Variants in CACFD1 observed in about 807,000 individuals in gnomAD.
CACFD1 encodes calcium channel flower homolog.
A neutral mutation model predicts 21.3 loss-of-function variants in CACFD1; 26 were observed. That is an observed-to-expected ratio of 1.22 (90% CI 0.89 to 1.69). The LOEUF (loss-of-function observed/expected upper bound fraction) is 1.69. Among genes scored for constraint, CACFD1 ranks in the 40% most tolerant of loss-of-function variants. The pLI is 0.00. For synonymous variants in CACFD1, 121 were observed against 106.6 expected, an observed-to-expected ratio of 1.13 and a Z score of -0.83; for missense variants, 265 against 236.2, an observed-to-expected ratio of 1.12 and a Z score of -0.80.
rs1554797972 is a variant in CACFD1, at chr9:133,460,156, G to A, written c.90G>A (p.Leu30=). 1 of 1,558,528 alleles carries A rather than the reference G, an allele frequency of 6.4e-7. No homozygotes were observed. The highest frequency in any genetic ancestry group is 8.7e-7 in the Non-Finnish European group (1 of 1,151,450). ...EEGMTWWYRW[L]CRLSGVLGAV... is the part of the protein sequence containing the mutation. Reference sequence around the variant, plus strand: ...GCATGACGTGGTGGTACCGCTGGCTGTGTCGCCTGTCTGGGGTGCTGGGGG... The same window carrying A: ...GCATGACGTGGTGGTACCGCTGGCTATGTCGCCTGTCTGGGGTGCTGGGGG... The change falls in exon 1 of 5, where the codon CTG becomes CTA. Residue 30 remains leucine, a synonymous_variant. Transcript: ENST00000316948.
Position 133,465,271 on chromosome 9 carries a change from A to G in CACFD1, c.195-51A>G, listed in dbSNP as rs782076337. 1 of 1,609,900 alleles carries G rather than the reference A, an allele frequency of 6.2e-7. No individual in the cohort carries two copies. ...GGCACTGGCACTGGGGGCCGCCCTC[A>G]TCCTCCTGGGATTGTCAGTCGCTGC... is the stretch of plus-strand genomic sequence containing the variant. On this transcript the variant is annotated intron_variant, in intron 2 of 4. Transcript: ENST00000316948. The surrounding 1 kb of genome is among the most constrained non-coding windows in gnomAD (Gnocchi z 5.0).
Position 133,463,474 on chromosome 9 carries a change from TGTTTCAA to T in CACFD1, c.122-7_122-1del. 1 of 1,613,642 alleles carries T rather than the reference TGTTTCAA, an allele frequency of 6.2e-7. No individual in the cohort carries two copies. ...CCTGCTGACTCCTGCCCGTGTCTCT[TGTTTCAA>T]GCTTGCGCGATCTCTGGCCTCTTCA... On this transcript the variant is annotated splice_acceptor_variant and splice_polypyrimidine_tract_variant and intron_variant, in intron 1 of 4. Transcript: ENST00000316948. LOFTEE classifies it high-confidence loss of function.
At chr9:133,462,131 C>A (rs1005272328) in intron 1 of CACFD1, 1 of 1,303,920 alleles carries the variant, frequency 7.7e-7, no homozygotes, top group Non-Finnish European at 1.0e-6. Flanking sequence ...GGTCCTCCCC[C>A]AAGGCTGGCT....
At position 133,460,114 on chromosome 9, in the gene CACFD1, G is replaced by A. The variant is rs1843070442; in HGVS notation, c.48G>A (p.Pro16=). 1.9e-6 allele frequency: 3 copies of A among 1,563,088 alleles called. No individual in the cohort carries two copies. Among genetic ancestry groups the A allele is most frequent in the East Asian group, 2.4e-5 (1 of 41,720 alleles). Residue 16 remains proline, a synonymous_variant, in exon 1 of 5, where the codon CCG becomes CCA. Transcript: ENST00000316948. The stretch of plus-strand genomic sequence containing the variant: ...CCGGGGCGTCCGCCAGCTCTGCGCC[G>A]CCCGCGCAGGAAGAGGGCATGACGT... ...GAPGASASSA[P]PAQEEGMTWW...
At position 133,460,248 on chromosome 9, in the gene CACFD1, T is replaced by TGCCCC. The variant is rs3216889; in HGVS notation, c.121+73_121+77dup. 2,400 of 1,369,912 alleles carry TGCCCC rather than the reference T, an allele frequency of 1.8e-3. 25 individuals are homozygous for TGCCCC. In the African/African-American group the frequency reaches 0.025, roughly 15 times the overall value. The allele number at this position is 1,369,912 out of a possible 1,614,324, so 84.9% of individuals were successfully genotyped here. A position where few individuals can be genotyped will look rare whatever the true frequency, so the allele number is the denominator to read the frequency against. On this transcript the variant is annotated intron_variant, in intron 1 of 4. Coordinates refer to ENST00000316948, the MANE Select transcript of CACFD1 (RefSeq NM_017586.5). Reference sequence around the variant, plus strand: ...CGCGCATGCGCTCCTCGCCCTGCCCTGCCCCGCCCCGCCCCGGCGGCCCCA... The same window carrying TGCCCC: ...CGCGCATGCGCTCCTCGCCCTGCCCTGCCCCGCCCCGCCCCGCCCCGGCGGCCCCA...
chr9:133,461,654 C>G (rs975636375), intron 1 of CACFD1, among the ~76,000 whole-genome samples: 1 of 152,200 alleles, frequency 6.6e-6, no homozygotes, highest in African/African-American at 2.4e-5. Flanking sequence ...TTCTGTGCCT[C>G]TCAAAGTGAG....
chr9:133,460,100 G>T lies in CACFD1; in HGVS notation c.34G>T (p.Ala12Ser). The change falls in exon 1 of 5, where the codon GCC (alanine) becomes TCC (serine). Residue 12 changes from alanine to serine, a missense_variant. Physicochemically the swap from Ala to Ser is moderately conservative, Grantham distance 99. Transcript: ENST00000316948. Reference sequence around the variant, plus strand: ...CTCAGGTGGGGCGCCCGGGGCGTCCGCCAGCTCTGCGCCGCCCGCGCAGGA... The same window carrying T: ...CTCAGGTGGGGCGCCCGGGGCGTCCTCCAGCTCTGCGCCGCCCGCGCAGGA... ...SSSGGAPGAS[A>S]SSAPPAQEEG... 1.3e-6 allele frequency: 2 copies of T among 1,562,674 alleles called. No individual in the cohort carries two copies. The highest frequency in any genetic ancestry group is 1.8e-5 in the Admixed American group (1 of 54,302).
At chr9:133,461,021 C>G (rs587612598) in intron 1 of CACFD1, among the ~76,000 whole-genome samples, 2 of 131,190 alleles carry the variant, frequency 1.5e-5, no homozygotes, top group South Asian at 5.3e-4. Flanking sequence ...CAGGGAAAGA[C>G]AAGTCTGTCT....
At position 133,463,538 on chromosome 9, in the gene CACFD1, G is replaced by A. The variant is rs781900319; in HGVS notation, c.177G>A (p.Ala59=). ...NCITIHPLNI[A]AGVWMIMNAF... is the part of the protein sequence containing the mutation. ...TCACCATCCACCCTCTGAACATTGC[G>A]GCCGGCGTGTGGATGATGTGAGTAA... is the stretch of plus-strand genomic sequence containing the variant. Residue 59 remains alanine (A), a synonymous_variant, in exon 2 of 5, where the codon GCG becomes GCA. Coordinates refer to ENST00000316948, the MANE Select transcript of CACFD1 (RefSeq NM_017586.5). 6.1e-5 allele frequency: 99 copies of A among 1,613,914 alleles called. No individual in the cohort carries two copies. Among genetic ancestry groups the A allele is most frequent in the Non-Finnish European group, 7.7e-5 (91 of 1,179,996 alleles).
rs1843620580 is a variant in CACFD1 at position 133,470,033 on chromosome 9, C to T, written c.*1380C>T. 6.6e-6 allele frequency: 1 copy of T among 152,570 alleles called. No homozygotes were observed. The highest frequency in any genetic ancestry group is 6.5e-5 in the Admixed American group (1 of 15,286). 9.5% of individuals were successfully genotyped at this position (152,570 alleles called of 1,614,324 possible). A position where few individuals can be genotyped will look rare whatever the true frequency, so the allele number is the denominator to read the frequency against. On this transcript the variant is annotated 3_prime_UTR_variant, in exon 5 of 5. Transcript: ENST00000316948. ...TTTCTGGGCCCTGCCCAGTACTGCC[C>T]TGGGGACTTGGTGGGCTCCTGGGTC...
In CACFD1 at chr9:133,470,256, TC is replaced by T. The variant is rs1168618334; in HGVS notation, c.*1606del. 1 of 152,528 alleles carries T rather than the reference TC, an allele frequency of 6.6e-6. No individual in the cohort carries two copies. Among genetic ancestry groups the T allele is most frequent in the Non-Finnish European group, 1.5e-5 (1 of 68,218 alleles). The allele number at this position is 152,528 out of a possible 1,614,324, so 9.4% of individuals were successfully genotyped here. A position where few individuals can be genotyped will look rare whatever the true frequency, so the allele number is the denominator to read the frequency against. On this transcript the variant is annotated 3_prime_UTR_variant, in exon 5 of 5. Coordinates refer to ENST00000316948, the MANE Select transcript of CACFD1 (RefSeq NM_017586.5). ...ATATGTGTGTGGGTGCACACATCTG[TC>T]CCATGTATGCAGTGAGACCTGTCTA...
At chr9:133,467,892 T>C (rs782712287) in intron 3 of CACFD1, 29 bp from the exon 4 acceptor site, 2 of 1,514,392 alleles carry the variant, frequency 1.3e-6, no homozygotes, top group Non-Finnish European at 1.8e-6. Context: ...GGGGCCGGAG[T>C]GCCCCCTTGA....
chr9:133,462,347 G>A, intron 1 of CACFD1: 1 of 1,236,014 alleles, frequency 8.1e-7, no homozygotes, highest in Non-Finnish European at 1.1e-6. Context: ...GTCTAAGGCT[G>A]TGCTGAGGAG....
intron 2 of CACFD1, chr9:133,464,956 T>C (rs1843374574): frequency 4.9e-6 from 1 of 202,902 alleles, no homozygotes; most frequent in Non-Finnish European, 1.0e-5. Context: ...CAGCTGCCAG[T>C]GCTCCATCTG....
intron 1 of CACFD1, chr9:133,462,300 C>G: frequency 7.7e-7 from 1 of 1,302,144 alleles, no homozygotes. Context: ...CCCTGTGTAC[C>G]TGTGGTTCTG....
rs587688867 is a variant in CACFD1 at position 133,465,154 on chromosome 9, G to A, written c.195-168G>A. ...CTGGAGTCTTCAGCAGAGGCTCTCC[G>A]AGGGGTACGAGCAGGTGCCCTGGAG... On this transcript the variant is annotated intron_variant, in intron 2 of 4. Transcript: ENST00000316948. This position sits in a 1 kb window ranked among gnomAD's most constrained non-coding sequence, Gnocchi z 5.0. The A allele has an allele frequency of 2.9e-4, 199 of 694,534 alleles. 1 individual carries two copies. Among genetic ancestry groups the A allele is most frequent in the African/African-American group, 2.8e-3 (162 of 57,028 alleles). The allele number at this position is 694,534 out of a possible 1,614,324, so 43.0% of individuals were successfully genotyped here. A position where few individuals can be genotyped will look rare whatever the true frequency, so the allele number is the denominator to read the frequency against.
At chr9:133,462,011 C>T in intron 1 of CACFD1, 21 of 985,382 alleles carry the variant, frequency 2.1e-5, no homozygotes, top group Non-Finnish European at 2.3e-5. Flanking sequence ...TGCATGGTGA[C>T]AGCCCCCTCA....
intron 1 of CACFD1, chr9:133,462,313 A>G (rs1309476420): frequency 7.7e-7 from 1 of 1,299,390 alleles, no homozygotes; most frequent in Non-Finnish European, 1.0e-6. Flanking sequence ...TGGTTCTGGA[A>G]CACCTTGCTG....
rs1049612155 is a variant in CACFD1 at position 133,460,052 on chromosome 9, C to T, written c.-15C>T. On this transcript the variant is annotated 5_prime_UTR_variant, in exon 1 of 5. Coordinates refer to ENST00000316948, the MANE Select transcript of CACFD1 (RefSeq NM_017586.5). ...CCCTTTGTGAGGGCTGTGAGCTGCG[C>T]CTGACGGTGGCACCATGAGCAGCTC... is the stretch of plus-strand genomic sequence containing the variant. The T allele has an allele frequency of 6.4e-7, 1 of 1,551,378 alleles. No homozygotes were observed. The highest frequency in any genetic ancestry group is 1.9e-5 in the Admixed American group (1 of 53,178).
Sources: gnomAD v4.1 joint callset for allele counts (sites outside exome capture counted in the v4.1 genomes callset) on GRCh38, gnomAD v4.1.1 for gene constraint, Gnocchi (gnomAD v3.1) non-coding constraint, MANE v1.5 for transcripts, NCBI Gene and HGNC (gene_info 2026-07-23, HGNC 2026-07-21) for gene names.